The following FAM120A variants were observed in gnomAD, a reference collection of about 807,000 sequenced individuals.
The protein encoded by FAM120A is constitutive coactivator of PPAR-gamma-like protein 1.
A neutral mutation model predicts 109.7 loss-of-function variants in FAM120A; 15 were observed. The ratio of observed to expected loss-of-function variants is 0.14; its 90% CI spans 0.09 to 0.21. FAM120A has a LOEUF of 0.21. FAM120A is among the 10% of genes least tolerant of loss of function. The pLI, the probability that FAM120A is intolerant of heterozygous loss-of-function variation, is 1.00. For missense variants in FAM120A, 899 were observed against 1,439.3 expected, an observed-to-expected ratio of 0.62 and a Z score of 6.07; for synonymous variants, 493 against 572.8, an observed-to-expected ratio of 0.86 and a Z score of 1.99.
At chr9:93,491,136 G>T (rs1859293525) in intron 3 of FAM120A, among the ~76,000 whole-genome samples, 1 of 152,222 alleles carries the variant, frequency 6.6e-6, no homozygotes, top group South Asian at 2.1e-4. Context: ...AGTCCAGCCA[G>T]TGCTCCCAGC....
At chr9:93,482,037 G>A (rs1858834945) in intron 3 of FAM120A, among the ~76,000 whole-genome samples, 2 of 151,978 alleles carry the variant, frequency 1.3e-5, no homozygotes, top group Non-Finnish European at 2.9e-5. Flanking sequence ...TCTTCCTTTT[G>A]ATTTAAATGT....
intron 2 of FAM120A, among the ~76,000 whole-genome samples, chr9:93,472,903 T>C (rs1421609292): frequency 6.6e-6 from 1 of 152,218 alleles, no homozygotes; most frequent in African/African-American, 2.4e-5. Flanking sequence ...CCTAGAAACC[T>C]TACCAGAAAA....
chr9:93,477,310 A>G (rs1312406727), intron 3 of FAM120A, among the ~76,000 whole-genome samples: 2 of 151,878 alleles, frequency 1.3e-5, no homozygotes, highest in Non-Finnish European at 2.9e-5. Flanking sequence ...TCCTCCTTTC[A>G]TTTTGTTCCC....
In FAM120A at chr9:93,452,111, G is replaced by C; in HGVS notation, c.196G>C (p.Val66Leu). The stretch of plus-strand genomic sequence containing the variant: ...CTACGGCGGCTTCTACACCGACTGG[G>C]TCAGCGGCGGCCAGTGGAACCACAT... ...RLYGGFYTDWVSGGQWNHMLG... is the reference protein window; with the variant it reads ...RLYGGFYTDWLSGGQWNHMLG... The change falls in exon 1 of 18, where the codon GTC (valine) becomes CTC (leucine). Residue 66 changes from valine to leucine, a missense_variant. Val to Leu is a conservative substitution (Grantham distance 32, BLOSUM62 1). Around this residue, in one of 11 missense-constraint regions of FAM120A, gnomAD observed 258 missense variants for 451.4 expected, o/e 0.57. Transcript: ENST00000277165. The surrounding 1 kb of genome is among the most constrained non-coding windows in gnomAD (Gnocchi z 7.0). 1 of 1,610,420 alleles carries C rather than the reference G, an allele frequency of 6.2e-7. No individual in the cohort carries two copies. Among genetic ancestry groups the C allele is most frequent in the Non-Finnish European group, 8.5e-7 (1 of 1,179,428 alleles).
rs764260031 is a variant in FAM120A, at chr9:93,452,323, C to G, written c.408C>G (p.Val136=). 3.0e-5 allele frequency: 49 copies of G among 1,612,914 alleles called. No individual in the cohort carries two copies. Among genetic ancestry groups the G allele is most frequent in the Non-Finnish European group, 3.6e-5 (42 of 1,179,896 alleles). The change falls in exon 1 of 18, where the codon GTC becomes GTG. Residue 136 remains valine (V), a synonymous_variant. Coordinates refer to ENST00000277165, the MANE Select transcript of FAM120A (RefSeq NM_014612.5). This position sits in a 1 kb window ranked among gnomAD's most constrained non-coding sequence, Gnocchi z 7.0. ...ACAAGGGCACCCCGCCGCCAAAGGT[C>G]TGGTTCCTGCCGCCCGTCTGCATGG... ...VQNKGTPPPK[V]WFLPPVCMAH... is the part of the protein sequence containing the mutation.
At chr9:93,491,002 C>T (rs1588833256) in intron 3 of FAM120A, among the ~76,000 whole-genome samples, 1 of 152,214 alleles carries the variant, frequency 6.6e-6, no homozygotes, top group East Asian at 1.9e-4. Flanking sequence ...CACTCTTCAC[C>T]CCTAACATGG....
chr9:93,474,038 A>G (rs1858434409), intron 2 of FAM120A, among the ~76,000 whole-genome samples: 3 of 152,088 alleles, frequency 2.0e-5, no homozygotes, highest in Admixed American at 1.3e-4. Context: ...GATGATGCCA[A>G]CTGATACTTT....
At chr9:93,563,348 G>A (rs137879389) in intron 17 of FAM120A, among the ~76,000 whole-genome samples, 409 of 152,360 alleles carry the variant, frequency 2.7e-3, no homozygotes, top group African/African-American at 9.5e-3. Flanking sequence ...CTTCAGCACC[G>A]AGTCAGTCTA....
intron 7 of FAM120A, among the ~76,000 whole-genome samples, chr9:93,524,856 C>A (rs752635559): frequency 1.2e-4 from 18 of 152,292 alleles, no homozygotes; most frequent in South Asian, 2.1e-4. Flanking sequence ...CTCTACTTCC[C>A]TGTGGCCGGT....
chr9:93,561,617 A>G (rs1862469324), intron 16 of FAM120A, among the ~76,000 whole-genome samples: 1 of 151,454 alleles, frequency 6.6e-6, no homozygotes, highest in Non-Finnish European at 1.5e-5. Flanking sequence ...TTGGTCTTGA[A>G]CTCCTGAGCT....
In FAM120A at chr9:93,561,209, T is replaced by C; in HGVS notation, c.2907T>C (p.Pro969=). The C allele has an allele frequency of 6.2e-7, 1 of 1,613,108 alleles. No homozygotes were observed. Among genetic ancestry groups the C allele is most frequent in the Non-Finnish European group, 8.5e-7 (1 of 1,179,766 alleles). The change falls in exon 16 of 18, where the codon CCT becomes CCC. Residue 969 remains proline (P), a synonymous_variant. Coordinates refer to ENST00000277165, the MANE Select transcript of FAM120A (RefSeq NM_014612.5). ...GSRRGRGGRG[P]FPLQVVSVGG... is the part of the protein sequence containing the mutation. ...GGCGGGGCCGTGGGGGCCGGGGGCCTTTCCCCCTGCAGGTGGTTTCTGTCG... is the reference window on the plus strand; with the variant it reads ...GGCGGGGCCGTGGGGGCCGGGGGCCCTTCCCCCTGCAGGTGGTTTCTGTCG...
intron 1 of FAM120A, among the ~76,000 whole-genome samples, chr9:93,466,077 T>G (rs1461797270): frequency 6.6e-6 from 1 of 152,126 alleles, no homozygotes; most frequent in African/African-American, 2.4e-5. Flanking sequence ...GTTGCTTGGG[T>G]AAGGAGCTCT....
chr9:93,538,115 G>A (rs1861583346), intron 10 of FAM120A, among the ~76,000 whole-genome samples: 1 of 151,750 alleles, frequency 6.6e-6, no homozygotes, highest in Non-Finnish European at 1.5e-5. Flanking sequence ...TAACATACAT[G>A]GAATGAGGAA....
chr9:93,511,918 A>C (rs1237951434), intron 5 of FAM120A, among the ~76,000 whole-genome samples: 1 of 152,126 alleles, frequency 6.6e-6, no homozygotes, highest in Non-Finnish European at 1.5e-5. Context: ...CTGCCTCCCG[A>C]GTAGCTGGGG....
At chr9:93,481,118 GCC>G (rs1203469098) in intron 3 of FAM120A, among the ~76,000 whole-genome samples, 1 of 152,238 alleles carries the variant, frequency 6.6e-6, no homozygotes, top group Non-Finnish European at 1.5e-5. Flanking sequence ...GCCTGTGGGT[GCC>G]CTGCATAGCT....
chr9:93,548,415 G>A (rs1861971107), intron 11 of FAM120A, among the ~76,000 whole-genome samples: 1 of 152,114 alleles, frequency 6.6e-6, no homozygotes, highest in Non-Finnish European at 1.5e-5. Flanking sequence ...ATAGCTAGGG[G>A]CTGAGGTAGG....
At chr9:93,550,150 C>A (rs1017499896) in intron 11 of FAM120A, among the ~76,000 whole-genome samples, 1 of 152,156 alleles carries the variant, frequency 6.6e-6, no homozygotes. Flanking sequence ...AGTGGCCAGG[C>A]AATGGTCTTT....
At position 93,460,120 on chromosome 9, in the gene FAM120A, C is replaced by T. The variant is rs1487767982; in HGVS notation, c.474+7731C>T. ...ATGAATAGGAAGAAACTAATTAACA[C>T]ATATTACACATTCCAACCTTAATAA... is the stretch of plus-strand genomic sequence containing the variant. On this transcript the variant is annotated intron_variant, in intron 1 of 17. Transcript: ENST00000277165. Among the ~76,000 whole-genome samples, 5 of 152,284 alleles carry T rather than the reference C, an allele frequency of 3.3e-5. No individual in the cohort carries two copies. In the East Asian group the frequency reaches 7.7e-4, roughly 23 times the overall value.
chr9:93,453,734 G>GTGCC, intron 1 of FAM120A: 1 of 685,926 alleles, frequency 1.5e-6, no homozygotes, highest in Non-Finnish European at 1.8e-6. Flanking sequence ...GTGAGAGGAA[G>GTGCC]TGCCTGCCTT....
Sources: gnomAD v4.1 joint callset for allele counts (sites outside exome capture counted in the v4.1 genomes callset) on GRCh38, gnomAD v4.1.1 for gene constraint, gnomAD v4.1.1 regional missense constraint, Gnocchi (gnomAD v3.1) non-coding constraint, MANE v1.5 for transcripts, NCBI Gene and HGNC (gene_info 2026-07-23, HGNC 2026-07-21) for gene names.